ADGRL4: variants seen among roughly 807,000 people sequenced by gnomAD.
ADGRL4 encodes adhesion G protein-coupled receptor L4.
ADGRL4 carries 90 observed loss-of-function variants against 74.8 expected under a neutral mutation model. The observed-to-expected ratio is 1.20, with a 90% confidence interval of 1.02 to 1.43. The LOEUF (loss-of-function observed/expected upper bound fraction) is 1.43. Among genes scored for constraint, ADGRL4 ranks in the 40% most tolerant of loss-of-function variants. The pLI is 0.00. For synonymous variants in ADGRL4, 311 were observed against 279.2 expected (o/e 1.11, Z -1.14); for missense variants, 881 against 814.3 (o/e 1.08, Z -1.00).
At chr1:78,936,462 A>G in intron 6 of ADGRL4, 51 bp from the exon 7 acceptor site, 1 of 1,424,364 alleles carries the variant, frequency 7.0e-7, no homozygotes, top group African/African-American at 1.5e-5. Flanking sequence ...TAATCAATAT[A>G]CATCATAAAT....
intron 2 of ADGRL4, among the ~76,000 whole-genome samples, chr1:78,980,197 C>A (rs1454417517): frequency 6.6e-6 from 1 of 151,224 alleles, no homozygotes. Flanking sequence ...CACACACACA[C>A]CCACACACCA....
intron 2 of ADGRL4, among the ~76,000 whole-genome samples, chr1:78,981,967 C>A (rs1006501334): frequency 5.3e-5 from 8 of 151,664 alleles, no homozygotes; most frequent in African/African-American, 1.9e-4. Context: ...TCTTTGTAAT[C>A]TGCCTCATAT....
chr1:78,999,519 G>A lies in ADGRL4; in HGVS notation c.172+5551C>T, dbSNP rs187100099. 3.3e-5 allele frequency among the ~76,000 whole-genome samples: 5 copies of A among 152,268 alleles called. No homozygotes were observed. The East Asian group carries it at 7.7e-4, about 24-fold the overall frequency. On this transcript the variant is annotated intron_variant, in intron 2 of 14. Transcript: ENST00000370742. ...ACCCAGGAGGCGGAGCTGGCAGTAAGCTGAGATCGCACCACTGCACTCTAG... is the reference window on the plus strand; with the variant it reads ...ACCCAGGAGGCGGAGCTGGCAGTAAACTGAGATCGCACCACTGCACTCTAG...
At chr1:78,898,003 G>T (rs545404620) in intron 12 of ADGRL4, among the ~76,000 whole-genome samples, 1 of 152,156 alleles carries the variant, frequency 6.6e-6, no homozygotes, top group South Asian at 2.1e-4. Flanking sequence ...ATGAGTTTAT[G>T]TACCTAGAGG....
At chr1:78,904,833 T>C (rs1252359879) in intron 12 of ADGRL4, among the ~76,000 whole-genome samples, 1 of 152,070 alleles carries the variant, frequency 6.6e-6, no homozygotes, top group African/African-American at 2.4e-5. Context: ...TTAAATTACA[T>C]AATTAATGTA....
intron 1 of ADGRL4, 144 bp downstream of exon 1, chr1:79,006,489 A>G (rs1650964620): frequency 2.2e-6 from 2 of 907,272 alleles, no homozygotes; most frequent in Admixed American, 3.1e-5. Flanking sequence ...GGAGAAAAAC[A>G]TCCTGAGAAG....
At chr1:78,949,979 A>C (rs1460361131) in intron 2 of ADGRL4, among the ~76,000 whole-genome samples, 1 of 152,154 alleles carries the variant, frequency 6.6e-6, no homozygotes, top group Admixed American at 6.6e-5. Context: ...GCATACACAC[A>C]GCTCCTAACT....
At chr1:78,971,070 T>C (rs529509628) in intron 2 of ADGRL4, among the ~76,000 whole-genome samples, 1 of 152,154 alleles carries the variant, frequency 6.6e-6, no homozygotes, top group African/African-American at 2.4e-5. Context: ...CTTCTTGCCT[T>C]CAGGGCATGA....
At chr1:78,967,373 T>C (rs1650078604) in intron 2 of ADGRL4, among the ~76,000 whole-genome samples, 1 of 152,192 alleles carries the variant, frequency 6.6e-6, no homozygotes, top group South Asian at 2.1e-4. Context: ...AAACCTTGGC[T>C]GCACCTAGCA....
At chr1:78,925,871 A>G (rs1382043933) in intron 8 of ADGRL4, among the ~76,000 whole-genome samples, 1 of 152,094 alleles carries the variant, frequency 6.6e-6, no homozygotes, top group Non-Finnish European at 1.5e-5. Context: ...AGACCATGTA[A>G]AAGAACAGTG....
chr1:78,966,143 T>C (rs1650051471), intron 2 of ADGRL4, among the ~76,000 whole-genome samples: 1 of 152,086 alleles, frequency 6.6e-6, no homozygotes, highest in East Asian at 1.9e-4. Context: ...GGGAAGAAGC[T>C]CTGACAGCCT....
At position 78,890,548 on chromosome 1, in the gene ADGRL4, C is replaced by CT. The variant is rs1356589423; in HGVS notation, c.*605dup. The CT allele has an allele frequency of 6.9e-6, 1 of 144,706 alleles. No individual in the cohort carries two copies. The highest frequency in any genetic ancestry group is 2.6e-5 in the African/African-American group (1 of 38,902). The allele number at this position is 144,706 out of a possible 1,614,324, so 9.0% of individuals were successfully genotyped here. On this transcript the variant is annotated 3_prime_UTR_variant, in exon 15 of 15. Coordinates refer to ENST00000370742, the MANE Select transcript of ADGRL4 (RefSeq NM_022159.4). ...AGAAACAGATTTAGCAAACAGAAGT[C>CT]TAAGTTGTTTTAGTGGACATTTAAG...
At chr1:78,955,129 A>T (rs1487172150) in intron 2 of ADGRL4, among the ~76,000 whole-genome samples, 1 of 152,112 alleles carries the variant, frequency 6.6e-6, no homozygotes, top group East Asian at 1.9e-4. Flanking sequence ...TTTCAATTTG[A>T]TAGACAAAAT....
Position 79,005,058 on chromosome 1 carries a change from A to G in ADGRL4, c.172+12T>C, listed in dbSNP as rs529808429. The G allele has an allele frequency of 4.4e-6, 7 of 1,608,916 alleles. No homozygotes were observed. In the South Asian group the frequency reaches 7.8e-5, roughly 18 times the overall value. Reference sequence around the variant, plus strand: ...ACAGTATAATCCAAAAGAAGTAACAAAGCTTGTTTACCTTCACAAATTGTG... The same window carrying G: ...ACAGTATAATCCAAAAGAAGTAACAGAGCTTGTTTACCTTCACAAATTGTG... On this transcript the variant is annotated intron_variant, in intron 2 of 14. Coordinates refer to ENST00000370742, the MANE Select transcript of ADGRL4 (RefSeq NM_022159.4).
At chr1:78,929,068 A>G (rs1649182741) in intron 7 of ADGRL4, among the ~76,000 whole-genome samples, 2 of 151,526 alleles carry the variant, frequency 1.3e-5, no homozygotes, top group African/African-American at 4.9e-5. Context: ...TTGATTTCAT[A>G]AGTAATTTGA....
At chr1:78,923,389 C>T (rs1000181936) in intron 8 of ADGRL4, among the ~76,000 whole-genome samples, 5 of 152,128 alleles carry the variant, frequency 3.3e-5, no homozygotes, top group Admixed American at 1.3e-4. Context: ...AAATAAACTG[C>T]TTTTGGGTAC....
At chr1:78,900,518 C>A (rs1030199922) in intron 12 of ADGRL4, among the ~76,000 whole-genome samples, 3 of 152,078 alleles carry the variant, frequency 2.0e-5, no homozygotes, top group Admixed American at 1.3e-4. Flanking sequence ...GTGCCCCCAC[C>A]CAAATCTCAT....
chr1:78,924,209 A>G (rs1444165156), intron 8 of ADGRL4, among the ~76,000 whole-genome samples: 1 of 152,054 alleles, frequency 6.6e-6, no homozygotes, highest in Non-Finnish European at 1.5e-5. Context: ...TGAGAAAAAA[A>G]TATAACTCTG....
chr1:78,900,007 T>C (rs572035049), intron 12 of ADGRL4, among the ~76,000 whole-genome samples: 2 of 152,308 alleles, frequency 1.3e-5, no homozygotes, highest in East Asian at 3.9e-4. Flanking sequence ...GAGCCCAATA[T>C]AATCACATGA....
Sources: gnomAD v4.1 joint callset for allele counts (sites outside exome capture counted in the v4.1 genomes callset) on GRCh38, gnomAD v4.1.1 for gene constraint, MANE v1.5 for transcripts, NCBI Gene and HGNC (gene_info 2026-07-23, HGNC 2026-07-21) for gene names.